Variants in LRP1B observed in about 807,000 individuals in gnomAD.
LRP1B encodes LDL receptor related protein 1B.
In LRP1B, 217 loss-of-function variants were observed where a neutral mutation model predicts 556.6. That is an observed-to-expected ratio of 0.39 (90% CI 0.35 to 0.44). The LOEUF (loss-of-function observed/expected upper bound fraction) is 0.44, where lower values mean the gene tolerates loss of function less well. Among genes scored for constraint, LRP1B ranks in the 20% least tolerant of loss-of-function variants. LRP1B has a pLI of 1.00. For synonymous variants in LRP1B, 2,047 were observed against 1,865.8 expected, an observed-to-expected ratio of 1.10 and a Z score of -2.50; for missense variants, 5,053 against 5,620.8, an observed-to-expected ratio of 0.90 and a Z score of 3.23.
chr2:140,426,207 ATACC>A (rs1685645486), intron 66 of LRP1B, among the ~76,000 whole-genome samples: 1 of 152,148 alleles, frequency 6.6e-6, no homozygotes, highest in Non-Finnish European at 1.5e-5. Context: ...CTCATTTGTA[ATACC>A]TGGCTTTGAA....
intron 7 of LRP1B, among the ~76,000 whole-genome samples, chr2:141,062,496 C>T (rs1018321323): frequency 2.0e-5 from 3 of 151,726 alleles, no homozygotes; most frequent in African/African-American, 7.3e-5. Flanking sequence ...TGTAAAATTT[C>T]CCCAAAATGA....
intron 83 of LRP1B, among the ~76,000 whole-genome samples, chr2:140,306,996 G>A (rs1018050769): frequency 3.3e-5 from 5 of 151,886 alleles, no homozygotes; most frequent in African/African-American, 1.2e-4. Flanking sequence ...TAAGAAAAAT[G>A]GAAATGTCTT....
intron 84 of LRP1B, among the ~76,000 whole-genome samples, chr2:140,287,615 C>T (rs1285272157): frequency 7.0e-6 from 1 of 143,502 alleles, no homozygotes; most frequent in Non-Finnish European, 1.5e-5. Context: ...TGGGTTTAGA[C>T]ATGGATCTTC....
Position 141,015,913 on chromosome 2 carries a change from C to T in LRP1B, c.1973G>A (p.Trp658Ter), listed in dbSNP as rs2105389847. ...RGIVVDPVNG[W>*]MYWTDWEEDE... The stretch of plus-strand genomic sequence containing the variant: ...TTCCTCCCAGTCTGTCCAATACATC[C>T]AACTAAGACATTAAAAAAACAACAA... The change falls in exon 13 of 91, where the codon TGG (tryptophan) becomes TAG (stop). Residue 658 changes from tryptophan (W) to a stop codon, truncating the protein, a stop_gained and splice_region_variant. Transcript: ENST00000389484. LOFTEE classifies it high-confidence loss of function. 6.2e-7 allele frequency: 1 copy of T among 1,611,228 alleles called. No homozygotes were observed. The highest frequency in any genetic ancestry group is 8.5e-7 in the Non-Finnish European group (1 of 1,177,820).
chr2:142,026,392 C>A (rs1266161784), intron 1 of LRP1B, among the ~76,000 whole-genome samples: 4 of 152,058 alleles, frequency 2.6e-5, no homozygotes, highest in African/African-American at 4.8e-5. Context: ...ATCATTCCTG[C>A]GACCAGCCTC....
At chr2:140,874,878 G>T (rs940037525) in intron 25 of LRP1B, among the ~76,000 whole-genome samples, 14 of 151,966 alleles carry the variant, frequency 9.2e-5, no homozygotes, top group Admixed American at 5.9e-4. Flanking sequence ...AAATAGCGGG[G>T]CGTGGTGGCA....
At chr2:141,133,121 G>A (rs1360215997) in intron 7 of LRP1B, among the ~76,000 whole-genome samples, 2 of 151,918 alleles carry the variant, frequency 1.3e-5, no homozygotes, top group Non-Finnish European at 2.9e-5. Flanking sequence ...TGTCTAGCCA[G>A]AACAAATTGA....
chr2:141,951,948 C>T (rs1234431017), intron 1 of LRP1B, among the ~76,000 whole-genome samples: 2 of 151,546 alleles, frequency 1.3e-5, no homozygotes, highest in Non-Finnish European at 2.9e-5. Context: ...CACCCATTAA[C>T]TCATCATTTA....
At chr2:141,305,575 G>A (rs1686555623) in intron 3 of LRP1B, among the ~76,000 whole-genome samples, 1 of 152,116 alleles carries the variant, frequency 6.6e-6, no homozygotes, top group Non-Finnish European at 1.5e-5. Context: ...CAGTTTGGAT[G>A]CCTTTTCTTT....
intron 2 of LRP1B, among the ~76,000 whole-genome samples, chr2:141,541,737 A>G (rs1325260406): frequency 6.6e-6 from 1 of 151,376 alleles, no homozygotes; most frequent in Non-Finnish European, 1.5e-5. Flanking sequence ...AAATGTAAAC[A>G]ATATTTTTAA....
At chr2:140,304,143 A>G (rs1382814356) in intron 83 of LRP1B, among the ~76,000 whole-genome samples, 1 of 152,250 alleles carries the variant, frequency 6.6e-6, no homozygotes, top group African/African-American at 2.4e-5. Flanking sequence ...TCTTTACAGC[A>G]GCATGATTTA....
chr2:141,388,176 C>G (rs551337570), intron 3 of LRP1B, among the ~76,000 whole-genome samples: 1 of 152,286 alleles, frequency 6.6e-6, no homozygotes, highest in East Asian at 1.9e-4. Flanking sequence ...TGGCTCACAC[C>G]TGTAATCTCA....
At chr2:140,548,550 G>A (rs560422435) in intron 43 of LRP1B, among the ~76,000 whole-genome samples, 23 of 152,126 alleles carry the variant, frequency 1.5e-4, no homozygotes, top group African/African-American at 5.5e-4. Flanking sequence ...TACTGAAATT[G>A]GCATAGTTTG....
intron 11 of LRP1B, among the ~76,000 whole-genome samples, chr2:141,038,137 A>AT (rs1353355816): frequency 5.1e-4 from 47 of 92,524 alleles, no homozygotes; most frequent in Non-Finnish European, 9.2e-4. Context: ...ACTAAAAATA[A>AT]TTAAAAAAAA....
chr2:141,253,106 T>C (rs779175883), intron 4 of LRP1B, among the ~76,000 whole-genome samples: 6 of 152,186 alleles, frequency 3.9e-5, no homozygotes, highest in Non-Finnish European at 8.8e-5. Flanking sequence ...GTGAGAAGAA[T>C]GCAGAATAGG....
intron 5 of LRP1B, among the ~76,000 whole-genome samples, chr2:141,245,318 A>G (rs953440935): frequency 2.0e-5 from 3 of 152,200 alleles, no homozygotes; most frequent in African/African-American, 7.2e-5. Flanking sequence ...GATATTTTGT[A>G]GATACATATG....
chr2:141,459,884 C>G (rs941555213), intron 3 of LRP1B, among the ~76,000 whole-genome samples: 1 of 152,106 alleles, frequency 6.6e-6, no homozygotes, highest in African/African-American at 2.4e-5. Context: ...GATATGCAAA[C>G]TTTCACTTTT....
intron 2 of LRP1B, among the ~76,000 whole-genome samples, chr2:141,749,451 G>A (rs1239106774): frequency 1.3e-5 from 2 of 152,064 alleles, no homozygotes; most frequent in African/African-American, 4.8e-5. Flanking sequence ...GAAAGAAATG[G>A]CACTATTGGT....
intron 1 of LRP1B, among the ~76,000 whole-genome samples, chr2:142,040,919 A>C (rs1704044016): frequency 6.6e-6 from 1 of 151,384 alleles, no homozygotes; most frequent in African/African-American, 2.4e-5. Context: ...CTAAGACTTA[A>C]GTCCAAAGAT....
Sources: allele counts gnomAD v4.1 joint callset (sites outside exome capture counted in the v4.1 genomes callset), GRCh38; gene constraint gnomAD v4.1.1; transcripts MANE v1.5; gene names NCBI Gene and HGNC (gene_info 2026-07-23, HGNC 2026-07-21).